The following SLC41A2 variants were observed in gnomAD, a reference collection of about 807,000 sequenced individuals.
The protein encoded by SLC41A2 is solute carrier family 41 member 2.
In SLC41A2, 32 loss-of-function variants were observed where a neutral mutation model predicts 58.3. That is an observed-to-expected ratio of 0.55 (90% CI 0.41 to 0.74). SLC41A2 has a LOEUF of 0.74. Ranked by LOEUF, SLC41A2 falls within the 30% of genes least tolerant of loss-of-function variation. SLC41A2 has a pLI of 0.00. For synonymous variants in SLC41A2, 190 were observed against 235.0 expected, an observed-to-expected ratio of 0.81 and a Z score of 1.75; for missense variants, 514 against 680.6, an observed-to-expected ratio of 0.76 and a Z score of 2.72.
intron 8 of SLC41A2, among the ~76,000 whole-genome samples, chr12:104,849,741 T>G (rs754606329): frequency 2.4e-4 from 36 of 152,204 alleles, no homozygotes; most frequent in Non-Finnish European, 4.7e-4. Flanking sequence ...GGCAGGAGGA[T>G]GGCTTGAGCC....
chr12:104,846,516 G>A (rs150313155), intron 8 of SLC41A2, among the ~76,000 whole-genome samples: 71 of 152,326 alleles, frequency 4.7e-4, no homozygotes, highest in African/African-American at 1.6e-3. Context: ...CAGAGTGCAG[G>A]AGAAAGAAGT....
At chr12:104,871,649 T>C (rs1467799501) in intron 6 of SLC41A2, among the ~76,000 whole-genome samples, 3 of 152,220 alleles carry the variant, frequency 2.0e-5, no homozygotes, top group Non-Finnish European at 4.4e-5. Flanking sequence ...CTCATCAAAA[T>C]GATTTTTTGT....
chr12:104,808,581 T>G (rs1288717586), intron 10 of SLC41A2, among the ~76,000 whole-genome samples: 2 of 152,226 alleles, frequency 1.3e-5, no homozygotes, highest in African/African-American at 2.4e-5. Flanking sequence ...GCTGGCCTCA[T>G]AAAATGAGTT....
At chr12:104,939,215 TA>T (rs2047403528) in intron 1 of SLC41A2, among the ~76,000 whole-genome samples, 1 of 152,074 alleles carries the variant, frequency 6.6e-6, no homozygotes, top group Admixed American at 6.5e-5. Context: ...CTTACAAAAA[TA>T]AAAAAGGGTC....
intron 4 of SLC41A2, among the ~76,000 whole-genome samples, chr12:104,890,338 C>A (rs992439081): frequency 6.6e-6 from 1 of 152,094 alleles, no homozygotes; most frequent in Non-Finnish European, 1.5e-5. Flanking sequence ...CCAATAAGCA[C>A]CATGATGAGT....
chr12:104,910,474 G>C (rs1251757682), intron 2 of SLC41A2, among the ~76,000 whole-genome samples: 1 of 152,062 alleles, frequency 6.6e-6, no homozygotes, highest in Non-Finnish European at 1.5e-5. Context: ...ACCCTATCTA[G>C]TCTTTGGAGA....
At chr12:104,857,776 G>C (rs945773600) in intron 8 of SLC41A2, among the ~76,000 whole-genome samples, 6 of 145,828 alleles carry the variant, frequency 4.1e-5, no homozygotes, top group Non-Finnish European at 8.9e-5. Context: ...AACACCGCAT[G>C]TTCTCACTCA....
rs546531645 is a variant in SLC41A2 at position 104,844,323 on chromosome 12, T to C, written c.1536+149A>G. 10 of 421,330 alleles carry C rather than the reference T, an allele frequency of 2.4e-5. No homozygotes were observed. The Admixed American group carries it at 4.3e-4, about 18-fold the overall frequency. 26.1% of individuals were successfully genotyped at this position (421,330 alleles called of 1,614,324 possible). A position where few individuals can be genotyped will look rare whatever the true frequency, so the allele number is the denominator to read the frequency against. On this transcript the variant is annotated intron_variant, in intron 10 of 10. Transcript: ENST00000258538. ...AATATTGATGACTAACACAAAATTG[T>C]TTATTGGTTTTAAGAAGATCAAATC...
chr12:104,884,201 T>A (rs1263763135), intron 6 of SLC41A2, among the ~76,000 whole-genome samples: 2 of 152,222 alleles, frequency 1.3e-5, no homozygotes, highest in East Asian at 1.9e-4. Flanking sequence ...CTTGGAAAAG[T>A]GCAGTATTAG....
chr12:104,848,882 C>T (rs1038125792), intron 8 of SLC41A2, among the ~76,000 whole-genome samples: 3 of 150,020 alleles, frequency 2.0e-5, no homozygotes, highest in African/African-American at 7.4e-5. Flanking sequence ...AGTAGGACTT[C>T]TTTAACTTGA....
At chr12:104,860,771 G>T (rs2043183074) in intron 8 of SLC41A2, among the ~76,000 whole-genome samples, 1 of 151,798 alleles carries the variant, frequency 6.6e-6, no homozygotes, top group Non-Finnish European at 1.5e-5. Flanking sequence ...AGAGATGGGG[G>T]TCTCACTATG....
intron 2 of SLC41A2, among the ~76,000 whole-genome samples, chr12:104,920,619 T>C (rs1332051340): frequency 6.6e-6 from 1 of 151,530 alleles, no homozygotes; most frequent in African/African-American, 2.4e-5. Flanking sequence ...CTCGACAAAA[T>C]TTTTTTTAAA....
chr12:104,899,745 A>C (rs1357561585), intron 3 of SLC41A2, among the ~76,000 whole-genome samples: 1 of 152,160 alleles, frequency 6.6e-6, no homozygotes, highest in Non-Finnish European at 1.5e-5. Flanking sequence ...TGATAATCCA[A>C]GCCACTAAAA....
chr12:104,927,869 AAATCT>A, intron 2 of SLC41A2, 99 bp downstream of exon 2: 1 of 1,055,402 alleles, frequency 9.5e-7, no homozygotes, highest in Non-Finnish European at 1.3e-6. Context: ...GGGATAAATT[AAATCT>A]AAAGTGAATG....
rs2040743573 is a variant in SLC41A2, at chr12:104,802,741, A to C, written c.*2411T>G. On this transcript the variant is annotated 3_prime_UTR_variant, in exon 11 of 11. Transcript: ENST00000258538. ...TGGCAATACTCACCATCAGGATATA[A>C]TAAACGGAGGTTTCTTTGTCTGAAA... 1 of 152,182 alleles carries C rather than the reference A, an allele frequency of 6.6e-6. No homozygotes were observed. Among genetic ancestry groups the C allele is most frequent in the Non-Finnish European group, 1.5e-5 (1 of 68,010 alleles). 9.4% of individuals were successfully genotyped at this position (152,182 alleles called of 1,614,324 possible).
chr12:104,942,499 AAATTCATT>A (rs147097387), intron 1 of SLC41A2, among the ~76,000 whole-genome samples: 3,597 of 150,720 alleles, frequency 0.024, 148 homozygotes, highest in African/African-American at 0.082. Context: ...AAACCATGTT[AAATTCATT>A]AATTTCCTGC....
In SLC41A2 at chr12:104,805,314, A is replaced by G. The variant is rs748724360; in HGVS notation, c.1560T>C (p.Ala520=). 1.2e-6 allele frequency: 2 copies of G among 1,613,548 alleles called. No homozygotes were observed. The highest frequency in any genetic ancestry group is 4.5e-5 in the East Asian group (2 of 44,878). ...VLQVFTLLWI[A]DWMVHHFWRK... ...TCCAGAAGTGATGGACCATCCAGTC[A>G]GCAATCCACAGCAAGGTAAATACCT... The change falls in exon 11 of 11, where the codon GCT becomes GCC. Residue 520 remains alanine (A), a synonymous_variant. Transcript: ENST00000258538.
At chr12:104,900,913 C>T (rs901978674) in intron 3 of SLC41A2, among the ~76,000 whole-genome samples, 1 of 152,156 alleles carries the variant, frequency 6.6e-6, no homozygotes. Context: ...TTCTTCATAT[C>T]CCTCCACTGA....
At chr12:104,881,230 C>T (rs558565244) in intron 6 of SLC41A2, among the ~76,000 whole-genome samples, 16 of 151,812 alleles carry the variant, frequency 1.1e-4, no homozygotes, top group East Asian at 7.7e-4. Flanking sequence ...GTCTTGCTAG[C>T]GGTCTATCAA....
Sources: allele counts gnomAD v4.1 joint callset (sites outside exome capture counted in the v4.1 genomes callset), GRCh38; gene constraint gnomAD v4.1.1; transcripts MANE v1.5; gene names NCBI Gene and HGNC (gene_info 2026-07-23, HGNC 2026-07-21).